AOAH: variants seen among roughly 807,000 people sequenced by gnomAD.
The protein encoded by AOAH is acyloxyacyl hydrolase (neutrophil).
AOAH carries 64 observed loss-of-function variants against 92.2 expected under a neutral mutation model. The ratio of observed to expected loss-of-function variants is 0.69; its 90% confidence interval spans 0.57 to 0.86. The LOEUF (loss-of-function observed/expected upper bound fraction) is 0.86, where lower values mean the gene tolerates loss of function less well. AOAH is among the 40% of genes least tolerant of loss of function. The pLI is 0.00. For missense variants in AOAH, 656 were observed against 694.6 expected (o/e 0.94, Z 0.62); for synonymous variants, 263 against 254.5 (o/e 1.03, Z -0.32).
chr7:36,589,165 C>T (rs1037394068), intron 12 of AOAH, among the ~76,000 whole-genome samples: 1 of 152,068 alleles, frequency 6.6e-6, no homozygotes, highest in South Asian at 2.1e-4. Flanking sequence ...TAAGGGGATA[C>T]GAACGGCCAG....
At chr7:36,641,614 C>A (rs1029376158) in intron 4 of AOAH, among the ~76,000 whole-genome samples, 7 of 152,162 alleles carry the variant, frequency 4.6e-5, no homozygotes, top group African/African-American at 1.4e-4. Flanking sequence ...CCTCCTGAAG[C>A]CTTCTCAGCT....
chr7:36,554,712 T>A (rs1325799505), intron 13 of AOAH, among the ~76,000 whole-genome samples: 3 of 151,042 alleles, frequency 2.0e-5, no homozygotes, highest in African/African-American at 7.3e-5. Context: ...CCCTTGTAAG[T>A]TGGATTCCTA....
At chr7:36,543,642 A>G (rs2116235760) in intron 15 of AOAH, among the ~76,000 whole-genome samples, 1 of 152,288 alleles carries the variant, frequency 6.6e-6, no homozygotes, top group South Asian at 2.1e-4. Context: ...GCTAATTTGT[A>G]TTTATGAAAG....
chr7:36,721,408 A>G (rs908717413), intron 1 of AOAH, among the ~76,000 whole-genome samples: 3 of 152,154 alleles, frequency 2.0e-5, no homozygotes, highest in Admixed American at 6.5e-5. Flanking sequence ...GCACTTCTCA[A>G]TAAACTCCCC....
intron 3 of AOAH, among the ~76,000 whole-genome samples, chr7:36,673,625 G>A (rs1218746243): frequency 2.0e-5 from 3 of 152,176 alleles, no homozygotes; most frequent in Non-Finnish European, 4.4e-5. Flanking sequence ...GTAGGGAGGC[G>A]GAGAGAAGCC....
At chr7:36,663,325 A>C (rs898920446) in intron 3 of AOAH, among the ~76,000 whole-genome samples, 2 of 152,128 alleles carry the variant, frequency 1.3e-5, no homozygotes, top group African/African-American at 4.8e-5. Context: ...TCATCGTCCA[A>C]AGTGTTTAGT....
chr7:36,672,391 G>C (rs1461471003), intron 3 of AOAH, among the ~76,000 whole-genome samples: 1 of 152,176 alleles, frequency 6.6e-6, no homozygotes, highest in African/African-American at 2.4e-5. Flanking sequence ...ATCAATGATA[G>C]ACTGCATAAA....
chr7:36,621,718 TG>T lies in AOAH; in HGVS notation c.644del (p.Pro215GlnfsTer68). 1 of 1,614,112 alleles carries T rather than the reference TG, an allele frequency of 6.2e-7. No homozygotes were observed. The highest frequency in any genetic ancestry group is 8.5e-7 in the Non-Finnish European group (1 of 1,179,976). On this transcript the variant is annotated frameshift_variant, in exon 8 of 21. Transcript: ENST00000617537. LOFTEE classifies it high-confidence loss of function. ...DCNDSDESVY[P>X]GRRPNNWDVH... is the part of the protein sequence containing the mutation. ...CCAGCAGAAATAGTTACCTTCTACC[TG>T]GGTACACTGACTCGTCGCTGTCATT...
chr7:36,632,282 C>A (rs1793175533), intron 5 of AOAH, among the ~76,000 whole-genome samples, 176 bp from the exon 6 acceptor site: 1 of 152,170 alleles, frequency 6.6e-6, no homozygotes, highest in South Asian at 2.1e-4. Flanking sequence ...ATCCATGCCA[C>A]TGCCTGTGCC....
At chr7:36,557,852 T>C (rs1168396963) in intron 13 of AOAH, among the ~76,000 whole-genome samples, 2 of 152,022 alleles carry the variant, frequency 1.3e-5, no homozygotes, top group African/African-American at 4.8e-5. Flanking sequence ...CTTTAAGCAC[T>C]TCTCTGTATT....
At chr7:36,617,147 T>A (rs1366228682) in intron 10 of AOAH, among the ~76,000 whole-genome samples, 2 of 152,144 alleles carry the variant, frequency 1.3e-5, no homozygotes, top group Non-Finnish European at 2.9e-5. Context: ...TTTTTCCACT[T>A]CCAAACTCCT....
intron 1 of AOAH, among the ~76,000 whole-genome samples, chr7:36,716,493 A>G (rs139448892): frequency 0.038 from 5,729 of 149,534 alleles, 276 homozygotes; most frequent in East Asian, 0.11. Flanking sequence ...AAAGGATTAT[A>G]TATCATGCTG....
rs1791673470 is a variant in AOAH, at chr7:36,614,044, A to G, written c.846+2336T>C. On this transcript the variant is annotated intron_variant, in intron 11 of 20. Coordinates refer to ENST00000617537, the MANE Select transcript of AOAH (RefSeq NM_001637.4). The surrounding 1 kb of genome is among the most constrained non-coding windows in gnomAD (Gnocchi z 4.2). ...CTAGGAAGAGGAGGTCAAGGAAAAA[A>G]TGATAATTTCTGCGGGTTAATTTCT... is the stretch of plus-strand genomic sequence containing the variant. Among the ~76,000 whole-genome samples the G allele has an allele frequency of 1.3e-5, 2 of 152,216 alleles. No homozygotes were observed. The highest frequency in any genetic ancestry group is 2.1e-4 in the South Asian group (1 of 4,824).
intron 2 of AOAH, among the ~76,000 whole-genome samples, chr7:36,681,749 C>T (rs1465794987): frequency 1.3e-5 from 2 of 151,976 alleles, no homozygotes; most frequent in Non-Finnish European, 2.9e-5. Context: ...TGCAGTGAGC[C>T]GAGATTGCGC....
intron 1 of AOAH, among the ~76,000 whole-genome samples, chr7:36,712,758 A>C (rs1469768506): frequency 6.6e-6 from 1 of 152,216 alleles, no homozygotes; most frequent in Non-Finnish European, 1.5e-5. Flanking sequence ...GAGAAATAAA[A>C]TACTGTACAG....
At chr7:36,521,687 T>G (rs1784114968) in intron 20 of AOAH, among the ~76,000 whole-genome samples, 1 of 152,176 alleles carries the variant, frequency 6.6e-6, no homozygotes, top group Non-Finnish European at 1.5e-5. Context: ...TCCTTTTTTT[T>G]TTTTTGGAGT....
intron 13 of AOAH, among the ~76,000 whole-genome samples, chr7:36,555,479 G>T (rs1201100594): frequency 5.3e-5 from 8 of 152,154 alleles, no homozygotes; most frequent in African/African-American, 7.2e-5. Context: ...GGCTTTGGTA[G>T]CAGGATGATG....
intron 13 of AOAH, among the ~76,000 whole-genome samples, chr7:36,560,118 C>A (rs570766063): frequency 1.6e-4 from 25 of 152,190 alleles, no homozygotes; most frequent in Non-Finnish European, 1.5e-5. Context: ...CAGTACCATG[C>A]GTTTTGGTCA....
At chr7:36,710,984 C>G (rs1488431051) in intron 1 of AOAH, among the ~76,000 whole-genome samples, 1 of 152,118 alleles carries the variant, frequency 6.6e-6, no homozygotes, top group Admixed American at 6.5e-5. Context: ...GAGGGTGAAG[C>G]TATGCCCCCA....
Sources: gnomAD v4.1 joint callset for allele counts (sites outside exome capture counted in the v4.1 genomes callset) on GRCh38, gnomAD v4.1.1 for gene constraint, Gnocchi (gnomAD v3.1) non-coding constraint, MANE v1.5 for transcripts, NCBI Gene and HGNC (gene_info 2026-07-23, HGNC 2026-07-21) for gene names.